The following FBXL7 variants were observed in gnomAD, a reference collection of about 807,000 sequenced individuals.
FBXL7 encodes the protein F-box/LRR-repeat protein 7.
In FBXL7, 12 loss-of-function variants were observed where a neutral mutation model predicts 38.3. That is an observed-to-expected ratio of 0.31 (90% CI 0.20 to 0.51). The LOEUF is 0.51. Ranked by LOEUF, FBXL7 falls within the 20% of genes least tolerant of loss-of-function variation. The pLI is 0.98. For missense variants in FBXL7, 567 were observed against 676.4 expected, an observed-to-expected ratio of 0.84 and a Z score of 1.79; for synonymous variants, 297 against 300.9, an observed-to-expected ratio of 0.99 and a Z score of 0.13.
At position 15,832,645 on chromosome 5, in the gene FBXL7, T is replaced by C. The variant is rs73058247; in HGVS notation, c.128-95245T>C. On this transcript the variant is annotated intron_variant, in intron 2 of 3. Coordinates refer to ENST00000504595, the MANE Select transcript of FBXL7 (RefSeq NM_012304.5). ...GCAGACACTTTGGTGACAAACAACA[T>C]TGAGTTTGTAGAAACTCTCTTTATC... Among the ~76,000 whole-genome samples, 335 of 152,296 alleles carry C rather than the reference T, an allele frequency of 2.2e-3. 1 individual carries two copies. Among genetic ancestry groups the C allele is most frequent in the African/African-American group, 7.5e-3 (313 of 41,572 alleles).
At chr5:15,860,348 T>A (rs995054576) in intron 2 of FBXL7, among the ~76,000 whole-genome samples, 4 of 152,184 alleles carry the variant, frequency 2.6e-5, no homozygotes, top group African/African-American at 9.7e-5. Flanking sequence ...AACTCTTCAT[T>A]TTTAGTTTAT....
rs933180966 is a variant in FBXL7 at position 15,923,653 on chromosome 5, T to A, written c.128-4237T>A. On this transcript the variant is annotated intron_variant, in intron 2 of 3. Transcript: ENST00000504595. Reference sequence around the variant, plus strand: ...TCATGCTTTATAATCTTTTTAATTATCAGGTACTATTTATTTAATTGAGAC... The same window carrying A: ...TCATGCTTTATAATCTTTTTAATTAACAGGTACTATTTATTTAATTGAGAC... Among the ~76,000 whole-genome samples, 4 of 152,204 alleles carry A rather than the reference T, an allele frequency of 2.6e-5. No homozygotes were observed. In the South Asian group the frequency reaches 6.2e-4, roughly 24 times the overall value.
intron 2 of FBXL7, among the ~76,000 whole-genome samples, chr5:15,881,438 T>C (rs1740446920): frequency 6.6e-6 from 1 of 152,220 alleles, no homozygotes; most frequent in Non-Finnish European, 1.5e-5. Context: ...GATGGGCATT[T>C]GGGCTGGTTC....
intron 1 of FBXL7, among the ~76,000 whole-genome samples, chr5:15,540,865 C>A (rs562117154): frequency 6.6e-6 from 1 of 151,976 alleles, no homozygotes; most frequent in Non-Finnish European, 1.5e-5. Context: ...CCATCATGAG[C>A]TAATTACCTC....
chr5:15,816,027 TC>T (rs1738004062), intron 2 of FBXL7, among the ~76,000 whole-genome samples: 1 of 152,154 alleles, frequency 6.6e-6, no homozygotes, highest in African/African-American at 2.4e-5. Context: ...GTTTGGCTGC[TC>T]AAAAATAAAT....
intron 1 of FBXL7, among the ~76,000 whole-genome samples, chr5:15,569,851 A>G (rs1025368164): frequency 4.6e-5 from 7 of 152,216 alleles, no homozygotes; most frequent in South Asian, 2.1e-4. Context: ...AGATAATCGT[A>G]TGGTTTTTGT....
rs73062482 is a variant in FBXL7, at chr5:15,891,514, C to T, written c.128-36376C>T. On this transcript the variant is annotated intron_variant, in intron 2 of 3. Coordinates refer to ENST00000504595, the MANE Select transcript of FBXL7 (RefSeq NM_012304.5). ...TCTGTAATAGGAACTGGAGACACAT[C>T]AGGAAACAAAAGAAAGATGATGTCC... Among the ~76,000 whole-genome samples the T allele has an allele frequency of 5.1e-3, 776 of 152,240 alleles. 10 individuals carry two copies. Among genetic ancestry groups the T allele is most frequent in the African/African-American group, 0.018 (735 of 41,554 alleles).
intron 2 of FBXL7, among the ~76,000 whole-genome samples, chr5:15,727,808 G>T (rs114387776): frequency 6.6e-6 from 1 of 152,010 alleles, no homozygotes; most frequent in Non-Finnish European, 1.5e-5. Flanking sequence ...AAATATTCTC[G>T]CTGATTCTTT....
chr5:15,513,937 C>T (rs1473652193), intron 1 of FBXL7, among the ~76,000 whole-genome samples: 3 of 151,988 alleles, frequency 2.0e-5, no homozygotes, highest in Non-Finnish European at 4.4e-5. Context: ...TCTTGAAAGA[C>T]CTCTCCTGTT....
At chr5:15,502,902 A>G (rs1273018147) in intron 1 of FBXL7, among the ~76,000 whole-genome samples, 1 of 152,212 alleles carries the variant, frequency 6.6e-6, no homozygotes, top group Admixed American at 6.5e-5. Context: ...GCTGACTGAA[A>G]ATTAAGACAG....
Position 15,742,400 on chromosome 5 carries a change from G to T in FBXL7, c.127+126328G>T, listed in dbSNP as rs144162068. ...ATAGTTTCACTGCTTTCAGAAACAG[G>T]TGTTTGGAAAGGCAGCTGAAGAACG... On this transcript the variant is annotated intron_variant, in intron 2 of 3. Transcript: ENST00000504595. 4.3e-4 allele frequency among the ~76,000 whole-genome samples: 65 copies of T among 152,294 alleles called. No individual in the cohort carries two copies. In the East Asian group the frequency reaches 0.012, roughly 28 times the overall value.
At position 15,586,746 on chromosome 5, in the gene FBXL7, A is replaced by G. The variant is rs1293125868; in HGVS notation, c.38-29237A>G. On this transcript the variant is annotated intron_variant, in intron 1 of 3. Coordinates refer to ENST00000504595, the MANE Select transcript of FBXL7 (RefSeq NM_012304.5). ...CTAAACTACACATAGAAGTCAGGCT[A>G]AACTGTCAAATCAGTTCATGACTGT... Among the ~76,000 whole-genome samples, 3 of 152,362 alleles carry G rather than the reference A, an allele frequency of 2.0e-5. No homozygotes were observed. In the East Asian group the frequency reaches 5.8e-4, roughly 29 times the overall value.
At chr5:15,884,249 C>CTTCTTTCTTTCT (rs58115981) in intron 2 of FBXL7, among the ~76,000 whole-genome samples, 5,499 of 150,574 alleles carry the variant, frequency 0.037, 116 homozygotes, top group Non-Finnish European at 0.048. Context: ...ATCAGGGAAT[C>CTTCTTTCTTTCT]TTCTTTCTTT....
In FBXL7 at chr5:15,927,977, G is replaced by C. The variant is rs1420442178; in HGVS notation, c.215G>C (p.Gly72Ala). ...PNLPGFQNGR[G>A]SSTSSSSITG... The stretch of plus-strand genomic sequence containing the variant: ...CTCCCAGGATTTCAGAATGGAAGGG[G>C]CTCGTCCACCTCCTCGTCCTCCATC... Residue 72 changes from glycine (G) to alanine (A), a missense_variant, in exon 3 of 4, where the codon GGC becomes GCC. Transcript: ENST00000504595. The C allele has an allele frequency of 6.3e-7, 1 of 1,590,176 alleles. No individual in the cohort carries two copies. The highest frequency in any genetic ancestry group is 1.3e-5 in the African/African-American group (1 of 74,596).
intron 1 of FBXL7, among the ~76,000 whole-genome samples, chr5:15,539,622 G>A (rs1737679789): frequency 6.6e-6 from 1 of 152,150 alleles, no homozygotes; most frequent in Admixed American, 6.6e-5. Flanking sequence ...ATTATTTTAA[G>A]AGGGTATGGG....
intron 2 of FBXL7, among the ~76,000 whole-genome samples, chr5:15,745,917 C>T (rs1361283355): frequency 2.6e-5 from 4 of 152,190 alleles, no homozygotes; most frequent in Admixed American, 1.3e-4. Context: ...GGAAGAGAGA[C>T]TCTCATGGTC....
intron 2 of FBXL7, among the ~76,000 whole-genome samples, chr5:15,838,723 C>T (rs1738657334): frequency 6.6e-6 from 1 of 152,142 alleles, no homozygotes; most frequent in Non-Finnish European, 1.5e-5. Flanking sequence ...ACGACTAAGG[C>T]TGTCTTCCTT....
chr5:15,668,523 G>A (rs1220436754), intron 2 of FBXL7, among the ~76,000 whole-genome samples: 1 of 152,004 alleles, frequency 6.6e-6, no homozygotes, highest in East Asian at 1.9e-4. Context: ...TGTGCCTTCT[G>A]GAAAATGTCA....
intron 2 of FBXL7, among the ~76,000 whole-genome samples, chr5:15,839,135 G>A (rs558035269): frequency 2.1e-4 from 32 of 150,556 alleles, no homozygotes; most frequent in Non-Finnish European, 4.1e-4. Context: ...TTAGTACTTA[G>A]ATTCTGAGTA....
Sources: allele counts gnomAD v4.1 joint callset (sites outside exome capture counted in the v4.1 genomes callset), GRCh38; gene constraint gnomAD v4.1.1; transcripts MANE v1.5; gene names NCBI Gene and HGNC (gene_info 2026-07-23, HGNC 2026-07-21).